The following TEF variants were observed in gnomAD, a reference collection of about 807,000 sequenced individuals.
TEF encodes the protein TEF transcription factor, PAR bZIP family member, also known as thyrotroph embryonic factor.
Under a neutral mutation model 20.8 loss-of-function variants are expected in TEF, and 3 were observed. The ratio of observed to expected loss-of-function variants is 0.14; its 90% CI spans 0.07 to 0.37. The LOEUF is 0.37. Among genes scored for constraint, TEF ranks in the 10% least tolerant of loss-of-function variants. TEF has a pLI of 1.00. For synonymous variants in TEF, 180 were observed against 171.1 expected, an observed-to-expected ratio of 1.05 and a Z score of -0.41; for missense variants, 296 against 397.9, an observed-to-expected ratio of 0.74 and a Z score of 2.18.
chr22:41,381,796 T>A, upstream of TEF: 4 of 1,002,170 alleles, frequency 4.0e-6, no homozygotes, highest in Non-Finnish European at 5.1e-6. Flanking sequence ...GGCCCGAGGA[T>A]CTGCGCCTGC....
upstream of TEF, chr22:41,381,861 C>G: frequency 8.2e-7 from 1 of 1,220,308 alleles, no homozygotes; most frequent in Non-Finnish European, 1.0e-6. Context: ...CTGGCCTGGC[C>G]TCATGAATAA....
At chr22:41,381,409 TC>T (rs1355860843), upstream of TEF, among the ~76,000 whole-genome samples, 1 of 141,708 alleles carries the variant, frequency 7.1e-6, no homozygotes, top group Non-Finnish European at 1.5e-5. Context: ...CTCTGCCCCC[TC>T]CCCCCGCGAC....
intron 1 of TEF, among the ~76,000 whole-genome samples, chr22:41,383,814 G>A (rs1416616618): frequency 1.3e-5 from 2 of 152,136 alleles, no homozygotes; most frequent in Non-Finnish European, 2.9e-5. Context: ...TCTATCTCCT[G>A]CCTTCTCCTG....
intron 1 of TEF, among the ~76,000 whole-genome samples, chr22:41,386,267 C>G (rs1244942098): frequency 6.6e-6 from 1 of 151,750 alleles, no homozygotes; most frequent in Non-Finnish European, 1.5e-5. Flanking sequence ...GTTGAAACCC[C>G]AGTCTCTACT....
intron 1 of TEF, 134 bp from the exon 2 acceptor site, chr22:41,387,217 G>A: frequency 1.0e-6 from 1 of 959,040 alleles, no homozygotes; most frequent in Non-Finnish European, 1.5e-6. Flanking sequence ...GGAGAATAGA[G>A]TAGGTTCTTG....
At chr22:41,378,343 CTTT>C (rs58676366), upstream of TEF, among the ~76,000 whole-genome samples, 41 of 83,550 alleles carry the variant, frequency 4.9e-4, no homozygotes, top group Middle Eastern at 7.6e-3. Context: ...TAACTTTTGC[CTTT>C]TTTTTTTTTT....
chr22:41,367,535 G>A, exon 1 of TEF: 1 of 1,551,076 alleles, frequency 6.4e-7, no homozygotes, highest in East Asian at 2.4e-5. Context: ...CCCCTGCCAT[G>A]GACATGCCTG....
intron 2 of TEF, among the ~76,000 whole-genome samples, chr22:41,391,554 G>C (rs2037166276): frequency 6.6e-6 from 1 of 150,758 alleles, no homozygotes; most frequent in African/African-American, 2.4e-5. Flanking sequence ...GACCTCAGGT[G>C]ATCCACCCAC....
chr22:41,370,464 G>A (rs1472094504), intron 1 of TEF, among the ~76,000 whole-genome samples: 1 of 144,026 alleles, frequency 6.9e-6, no homozygotes, highest in Non-Finnish European at 1.5e-5. Flanking sequence ...CCAGGCTGGA[G>A]TGCAGTGGTG....
At chr22:41,369,985 G>C (rs971747906) in intron 1 of TEF, 2 of 985,432 alleles carry the variant, frequency 2.0e-6, no homozygotes, top group East Asian at 1.1e-4. Context: ...GTCATGTGCA[G>C]AGCGTATCTC....
rs1049283857 is a variant in TEF at position 41,399,075 on chromosome 22, G to A, written c.*3115G>A. Reference sequence around the variant, plus strand: ...CTAAGTGCATGTGATGTGATAGAGTGTGTGGGGCTCTGTGTCCTTCCCTGG... The same window carrying A: ...CTAAGTGCATGTGATGTGATAGAGTATGTGGGGCTCTGTGTCCTTCCCTGG... On this transcript the variant is annotated 3_prime_UTR_variant, in exon 4 of 4. Coordinates refer to ENST00000266304, the MANE Select transcript of TEF (RefSeq NM_003216.4). The A allele has an allele frequency of 1.3e-5, 2 of 152,664 alleles. No homozygotes were observed. The highest frequency in any genetic ancestry group is 2.9e-5 in the Non-Finnish European group (2 of 68,048). The allele number at this position is 152,664 out of a possible 1,614,324, so 9.5% of individuals were successfully genotyped here.
chr22:41,367,941 C>T (rs566879447), intron 1 of TEF, among the ~76,000 whole-genome samples: 7 of 152,192 alleles, frequency 4.6e-5, no homozygotes, highest in East Asian at 1.9e-4. Context: ...TCCCCCTGTA[C>T]GCTGGGGGTG....
chr22:41,392,408 G>A (rs1360031381), intron 2 of TEF, among the ~76,000 whole-genome samples: 1 of 152,120 alleles, frequency 6.6e-6, no homozygotes, highest in East Asian at 1.9e-4. Context: ...GGGCGCAGTG[G>A]CTCACACCTG....
chr22:41,371,174 T>A (rs1229111634), intron 1 of TEF, among the ~76,000 whole-genome samples: 5 of 152,258 alleles, frequency 3.3e-5, no homozygotes, highest in African/African-American at 1.2e-4. Flanking sequence ...TGTCTCTAAA[T>A]CATATGATTA....
upstream of TEF, among the ~76,000 whole-genome samples, chr22:41,378,165 CTTTTTTTTTT>C (rs1227353344): frequency 1.1e-5 from 1 of 89,468 alleles, no homozygotes; most frequent in African/African-American, 4.2e-5. Context: ...CCTTAGCTTC[CTTTTTTTTTT>C]TTTTTTTTTT....
At chr22:41,391,471 A>C (rs577602866) in intron 2 of TEF, among the ~76,000 whole-genome samples, 7 of 150,680 alleles carry the variant, frequency 4.6e-5, no homozygotes, top group Admixed American at 1.3e-4. Flanking sequence ...GATAACAGGC[A>C]CGGCCGGCTA....
intron 2 of TEF, among the ~76,000 whole-genome samples, chr22:41,391,453 G>A (rs962298792): frequency 1.3e-4 from 20 of 151,670 alleles, no homozygotes; most frequent in African/African-American, 4.6e-4. Context: ...AGCCCCCTGA[G>A]TAGCTGGGAT....
intron 1 of TEF, among the ~76,000 whole-genome samples, chr22:41,372,922 C>T (rs61051019): frequency 0.016 from 2,458 of 152,100 alleles, 68 homozygotes; most frequent in African/African-American, 0.055. Flanking sequence ...GGAAAGAAAA[C>T]GGGTCTGAGG....
chr22:41,376,278 C>T (rs1237581851), intron 1 of TEF, among the ~76,000 whole-genome samples: 3 of 152,104 alleles, frequency 2.0e-5, no homozygotes, highest in African/African-American at 7.2e-5. Context: ...GCTTTGTGGC[C>T]CAGGCTAAAG....
Sources: gnomAD v4.1 joint callset for allele counts (sites outside exome capture counted in the v4.1 genomes callset) on GRCh38, gnomAD v4.1.1 for gene constraint, MANE v1.5 for transcripts, NCBI Gene and HGNC (gene_info 2026-07-23, HGNC 2026-07-21) for gene names.